Variants in PARD3 observed in about 807,000 individuals in gnomAD.
The protein encoded by PARD3 is par-3 family cell polarity regulator.
PARD3 carries 75 observed loss-of-function variants against 155.4 expected under a neutral mutation model. The ratio of observed to expected loss-of-function variants is 0.48; its 90% CI spans 0.40 to 0.58. The LOEUF is 0.58. Ranked by LOEUF, PARD3 falls within the 20% of genes least tolerant of loss-of-function variation. The probability of loss-of-function intolerance (pLI) is 0.00; values close to 1 mark genes in which losing one functional copy is unlikely to be tolerated. For synonymous variants in PARD3, 576 were observed against 610.5 expected (o/e 0.94, Z 0.83); for missense variants, 1,642 against 1,721.7 (o/e 0.95, Z 0.82).
At chr10:34,205,848 C>T (rs1467697103) in intron 22 of PARD3, among the ~76,000 whole-genome samples, 1 of 152,168 alleles carries the variant, frequency 6.6e-6, no homozygotes, top group African/African-American at 2.4e-5. Context: ...GGCAGACCAC[C>T]ACAGCGTATG....
chr10:34,272,388 A>G (rs1955660325), intron 21 of PARD3, among the ~76,000 whole-genome samples: 1 of 152,302 alleles, frequency 6.6e-6, no homozygotes, highest in East Asian at 1.9e-4. Flanking sequence ...GACTAGAAAA[A>G]AATATTTGCA....
intron 1 of PARD3, among the ~76,000 whole-genome samples, chr10:34,792,975 G>A (rs1316948692): frequency 6.6e-6 from 1 of 152,152 alleles, no homozygotes; most frequent in Non-Finnish European, 1.5e-5. Flanking sequence ...ATCTACTTTT[G>A]CATCTCCCTG....
chr10:34,264,669 G>C (rs1326828239), intron 22 of PARD3, among the ~76,000 whole-genome samples: 2 of 151,744 alleles, frequency 1.3e-5, no homozygotes, highest in Admixed American at 6.6e-5. Flanking sequence ...TCAGAACTAC[G>C]TCACATGGTC....
At chr10:34,128,523 T>G (rs1300403914) in intron 23 of PARD3, among the ~76,000 whole-genome samples, 1 of 152,204 alleles carries the variant, frequency 6.6e-6, no homozygotes, top group Non-Finnish European at 1.5e-5. Context: ...CAGTGCGATA[T>G]TAGTGCAGTA....
intron 2 of PARD3, among the ~76,000 whole-genome samples, chr10:34,657,142 C>G (rs954058265): frequency 2.6e-5 from 4 of 151,970 alleles, no homozygotes; most frequent in Admixed American, 1.3e-4. Flanking sequence ...CACGATGGCT[C>G]ATGTCCGTAA....
At chr10:34,338,948 A>G (rs776180785) in intron 16 of PARD3, among the ~76,000 whole-genome samples, 5 of 152,170 alleles carry the variant, frequency 3.3e-5, no homozygotes, top group Admixed American at 6.5e-5. Flanking sequence ...AAATTATCAA[A>G]CACAAATTAT....
intron 22 of PARD3, among the ~76,000 whole-genome samples, chr10:34,202,677 G>T (rs902362896): frequency 6.6e-6 from 1 of 152,186 alleles, no homozygotes; most frequent in Admixed American, 6.5e-5. Flanking sequence ...TTTGCAAAGG[G>T]TGGCATTTCT....
intron 2 of PARD3, among the ~76,000 whole-genome samples, chr10:34,665,885 CAGA>C (rs2093451777): frequency 1.4e-5 from 2 of 148,096 alleles, no homozygotes; most frequent in South Asian, 4.2e-4. Context: ...CAGAACAGAA[CAGA>C]ACAGAACAGA....
chr10:34,652,024 C>A (rs961827154), intron 2 of PARD3, among the ~76,000 whole-genome samples: 2 of 152,162 alleles, frequency 1.3e-5, no homozygotes, highest in Non-Finnish European at 2.9e-5. Flanking sequence ...CCCACACGGC[C>A]AGCATTTTTT....
chr10:34,765,507 G>A lies in PARD3; in HGVS notation c.120+49369C>T, dbSNP rs61227908. ...ACCCTGGCCCACATGGTGAAACCCC[G>A]TCTCTACTAAAAATACAAAAATTAG... is the stretch of plus-strand genomic sequence containing the variant. On this transcript the variant is annotated intron_variant, in intron 1 of 24. Coordinates refer to ENST00000374788, the MANE Select transcript of PARD3 (RefSeq NM_001184785.2). Among the ~76,000 whole-genome samples the A allele has an allele frequency of 9.2e-3, 1,403 of 151,992 alleles. 25 individuals are homozygous for A. The highest frequency in any genetic ancestry group is 0.032 in the African/African-American group (1,307 of 41,482).
At chr10:34,814,828 GCCGTCCCCGCCGCCGCCCCCTCC>G in intron 1 of PARD3, 25 bp downstream of exon 1, 1 of 1,258,934 alleles carries the variant, frequency 7.9e-7, no homozygotes, top group African/African-American at 1.6e-5. Context: ...TGATCCCGGC[GCCGTCCCCGCCGCCGCCCCCTCC>G]CCGCCCGCGC....
At chr10:34,663,242 T>C (rs564992173) in intron 2 of PARD3, among the ~76,000 whole-genome samples, 64 of 152,140 alleles carry the variant, frequency 4.2e-4, no homozygotes, top group African/African-American at 1.1e-3. Context: ...GGCGGGTAGA[T>C]TGCCTGAGCT....
At chr10:34,330,551 G>C (rs987168987) in intron 19 of PARD3, among the ~76,000 whole-genome samples, 7 of 151,976 alleles carry the variant, frequency 4.6e-5, no homozygotes, top group African/African-American at 1.7e-4. Context: ...GTACTCAATG[G>C]AGACATCCTA....
intron 22 of PARD3, among the ~76,000 whole-genome samples, chr10:34,235,982 A>G (rs1211304779): frequency 6.6e-6 from 1 of 152,172 alleles, no homozygotes; most frequent in Admixed American, 6.5e-5. Flanking sequence ...ACTCTGCACA[A>G]CTAAAAGGGT....
intron 1 of PARD3, among the ~76,000 whole-genome samples, chr10:34,760,376 G>C (rs553252946): frequency 2.0e-5 from 3 of 152,234 alleles, no homozygotes; most frequent in African/African-American, 4.8e-5. Context: ...GTGCCACCCA[G>C]GCTGGAGTGC....
intron 23 of PARD3, among the ~76,000 whole-genome samples, chr10:34,124,877 G>A (rs1947193364): frequency 6.6e-6 from 1 of 152,116 alleles, no homozygotes; most frequent in Non-Finnish European, 1.5e-5. Flanking sequence ...TGGGCTAATG[G>A]CAACCCAAGG....
chr10:34,737,887 C>T (rs1477250605), intron 1 of PARD3, among the ~76,000 whole-genome samples: 3 of 152,226 alleles, frequency 2.0e-5, no homozygotes, highest in African/African-American at 2.4e-5. Flanking sequence ...CAGCACACCA[C>T]GCTAGGGACG....
At chr10:34,669,205 A>T (rs891454773) in intron 2 of PARD3, among the ~76,000 whole-genome samples, 5 of 152,220 alleles carry the variant, frequency 3.3e-5, no homozygotes, top group African/African-American at 1.2e-4. Flanking sequence ...ATAGGGAATC[A>T]ACCTAAGTGT....
chr10:34,744,851 G>T (rs1382344548), intron 1 of PARD3, among the ~76,000 whole-genome samples: 1 of 152,208 alleles, frequency 6.6e-6, no homozygotes, highest in Non-Finnish European at 1.5e-5. Context: ...GGGGAGATTA[G>T]AAACCTTCTC....
Sources: allele counts gnomAD v4.1 joint callset (sites outside exome capture counted in the v4.1 genomes callset), GRCh38; gene constraint gnomAD v4.1.1; transcripts MANE v1.5; gene names NCBI Gene and HGNC (gene_info 2026-07-23, HGNC 2026-07-21).